TSHZ1: variants seen among roughly 807,000 people sequenced by gnomAD.
TSHZ1 encodes the protein teashirt zinc finger homeobox 1, also known as teashirt homolog 1.
TSHZ1 carries 12 observed loss-of-function variants against 67.1 expected under a neutral mutation model. The ratio of observed to expected loss-of-function variants is 0.18; its 90% CI spans 0.11 to 0.29. The LOEUF is 0.29. Among genes scored for constraint, TSHZ1 ranks in the 10% least tolerant of loss-of-function variants. The pLI is 1.00. For synonymous variants in TSHZ1, 632 were observed against 622.4 expected, an observed-to-expected ratio of 1.02 and a Z score of -0.23; for missense variants, 1,305 against 1,413.9, an observed-to-expected ratio of 0.92 and a Z score of 1.23.
chr18:75,284,047 C>T (rs1210695964), intron 1 of TSHZ1: 1 of 152,536 alleles, frequency 6.6e-6, no homozygotes, highest in East Asian at 1.9e-4. Flanking sequence ...CCCCAAATAC[C>T]CCAAGTTGTT....
At chr18:75,250,711 T>C (rs2404871) in intron 1 of TSHZ1, among the ~76,000 whole-genome samples, 119,825 of 152,240 alleles carry the variant, frequency 0.79, 47,292 homozygotes, top group South Asian at 0.87. Flanking sequence ...GCAGAGCTCG[T>C]GGGCCGGGCC....
rs1324950475 is a variant in TSHZ1, at chr18:75,211,809, G to A, written c.-68G>A. ...GCCGCGGAGTTGCGCCCGCGCCCGG[G>A]GCCCCGCGTCCCCGCGCCCCGCGAA... On this transcript the variant is annotated 5_prime_UTR_variant, in exon 1 of 2. Transcript: ENST00000580243. The A allele has an allele frequency of 2.9e-6, 3 of 1,032,866 alleles. No individual in the cohort carries two copies. The highest frequency in any genetic ancestry group is 3.5e-6 in the Non-Finnish European group (3 of 859,022). 64.0% of individuals were successfully genotyped at this position (1,032,866 alleles called of 1,614,324 possible). A position where few individuals can be genotyped will look rare whatever the true frequency, so the allele number is the denominator to read the frequency against.
chr18:75,223,590 T>C (rs1287672055), intron 1 of TSHZ1, among the ~76,000 whole-genome samples: 1 of 151,654 alleles, frequency 6.6e-6, no homozygotes, highest in Non-Finnish European at 1.5e-5. Flanking sequence ...ATACATATGG[T>C]TTTGTGGTTG....
chr18:75,235,715 A>C (rs541386944), intron 1 of TSHZ1, among the ~76,000 whole-genome samples: 3 of 152,238 alleles, frequency 2.0e-5, no homozygotes, highest in Admixed American at 6.5e-5. Flanking sequence ...GGATGTAAAA[A>C]TTTCATTGAG....
chr18:75,231,342 G>A lies in TSHZ1; in HGVS notation c.40+19426G>A, dbSNP rs1355480483. On this transcript the variant is annotated intron_variant, in intron 1 of 1. Coordinates refer to ENST00000580243, the MANE Select transcript of TSHZ1 (RefSeq NM_001308210.2). The stretch of plus-strand genomic sequence containing the variant: ...GATCCTGCCTGGGGCATGGTCCTTC[G>A]GAGGTCATTTCCACAGTTGCTTGGT... 3.9e-5 allele frequency among the ~76,000 whole-genome samples: 6 copies of A among 152,208 alleles called. No homozygotes were observed. The East Asian group carries it at 5.8e-4, about 15-fold the overall frequency.
chr18:75,245,994 A>G (rs937389849), intron 1 of TSHZ1, among the ~76,000 whole-genome samples: 2 of 152,208 alleles, frequency 1.3e-5, no homozygotes, highest in South Asian at 4.1e-4. Context: ...AATAAGTGCC[A>G]GGGGAGCGGG....
At chr18:75,220,127 A>G (rs1188295061) in intron 1 of TSHZ1, among the ~76,000 whole-genome samples, 1 of 152,208 alleles carries the variant, frequency 6.6e-6, no homozygotes, top group East Asian at 1.9e-4. Flanking sequence ...CGGAAGCATG[A>G]AAACCTAAAG....
chr18:75,221,756 T>G (rs1431556297), intron 1 of TSHZ1, among the ~76,000 whole-genome samples: 1 of 152,210 alleles, frequency 6.6e-6, no homozygotes, highest in African/African-American at 2.4e-5. Flanking sequence ...CAGTAAAACA[T>G]GTCTGTTTTC....
chr18:75,286,337 G>A lies in TSHZ1; in HGVS notation c.930G>A (p.Met310Ile). 1.2e-6 allele frequency: 2 copies of A among 1,614,118 alleles called. No homozygotes were observed. Among genetic ancestry groups the A allele is most frequent in the African/African-American group, 1.3e-5 (1 of 75,038 alleles). ...KEDAQKVLKC[M>I]YCGHSFESLQ... ...ATGCCCAGAAGGTGCTGAAGTGCAT[G>A]TACTGTGGACACTCCTTTGAGTCCT... The change falls in exon 2 of 2, where the codon ATG (methionine) becomes ATA (isoleucine). Residue 310 changes from methionine (M) to isoleucine (I), a missense_variant. Physicochemically the swap from Met to Ile is conservative, Grantham distance 10 (BLOSUM62 1). Around this residue, in one of 3 missense-constraint regions of TSHZ1, gnomAD observed 38 missense variants for 76.5 expected, o/e 0.50. Transcript: ENST00000580243. This position sits in a 1 kb window ranked among gnomAD's most constrained non-coding sequence, Gnocchi z 5.1.
At chr18:75,217,288 T>C (rs1031633861) in intron 1 of TSHZ1, among the ~76,000 whole-genome samples, 2 of 152,246 alleles carry the variant, frequency 1.3e-5, no homozygotes, top group African/African-American at 4.8e-5. Flanking sequence ...CTTGCGATAA[T>C]CATTTTCTTT....
rs1157888814 is a variant in TSHZ1, at chr18:75,288,646, C to T, written c.*5C>T. Reference sequence around the variant, plus strand: ...ACTGAGTTGGAGAAACAGTAGCGTCCAGGTATGCAAGAGACCGCGGAACAT... The same window carrying T: ...ACTGAGTTGGAGAAACAGTAGCGTCTAGGTATGCAAGAGACCGCGGAACAT... On this transcript the variant is annotated 3_prime_UTR_variant, in exon 2 of 2. Transcript: ENST00000580243. This position sits in a 1 kb window ranked among gnomAD's most constrained non-coding sequence, Gnocchi z 4.9. 8 of 1,580,954 alleles carry T rather than the reference C, an allele frequency of 5.1e-6. No individual in the cohort carries two copies. Among genetic ancestry groups the T allele is most frequent in the Non-Finnish European group, 6.9e-6 (8 of 1,164,034 alleles).
chr18:75,259,418 G>C (rs766479201), intron 1 of TSHZ1, among the ~76,000 whole-genome samples: 9 of 152,176 alleles, frequency 5.9e-5, no homozygotes, highest in Non-Finnish European at 1.3e-4. Context: ...GTGCCATTCT[G>C]AGTAGTGTGA....
At position 75,212,263 on chromosome 18, in the gene TSHZ1, G is replaced by A. The variant is rs537240882; in HGVS notation, c.40+347G>A. ...GTAGTTGCTCCTTGGCTGCCGGAGC[G>A]CACTGGAAAAGTCCTCCAAAGGCGG... On this transcript the variant is annotated intron_variant, in intron 1 of 1. Transcript: ENST00000580243. Among the ~76,000 whole-genome samples, 35 of 152,296 alleles carry A rather than the reference G, an allele frequency of 2.3e-4. No individual in the cohort carries two copies. In the South Asian group the frequency reaches 3.5e-3, roughly 15 times the overall value.
At chr18:75,218,995 C>T (rs904142864) in intron 1 of TSHZ1, among the ~76,000 whole-genome samples, 2 of 152,010 alleles carry the variant, frequency 1.3e-5, no homozygotes, top group African/African-American at 4.8e-5. Flanking sequence ...GATAATGGCA[C>T]AGAATATTAA....
chr18:75,212,433 A>T (rs900896278), intron 1 of TSHZ1, among the ~76,000 whole-genome samples: 1 of 151,366 alleles, frequency 6.6e-6, no homozygotes, highest in Non-Finnish European at 1.5e-5. Flanking sequence ...ACCTCTAAAG[A>T]TGTCTTTTGA....
At chr18:75,245,356 C>T (rs922131829) in intron 1 of TSHZ1, 1 of 152,194 alleles carries the variant, frequency 6.6e-6, no homozygotes, top group African/African-American at 2.4e-5. Flanking sequence ...AGGCATACCT[C>T]TTTTTAAAGT....
Position 75,287,229 on chromosome 18 carries a change from G to T in TSHZ1, c.1822G>T (p.Gly608Cys). The T allele has an allele frequency of 1.2e-6, 2 of 1,613,870 alleles. No individual in the cohort carries two copies. The highest frequency in any genetic ancestry group is 2.7e-5 in the African/African-American group (2 of 75,028). ...SVQVQPSYAG[G>C]VKSLSSAEHN... ...GCAGGTGCAGCCGTCCTATGCTGGC[G>T]GCGTGAAGTCGCTGTCTTCCGCCGA... The change falls in exon 2 of 2, where the codon GGC becomes TGC. Residue 608 changes from glycine (G) to cysteine (C), a missense_variant. Physicochemically the swap from Gly to Cys is radical, Grantham distance 159. Coordinates refer to ENST00000580243, the MANE Select transcript of TSHZ1 (RefSeq NM_001308210.2). This position sits in a 1 kb window ranked among gnomAD's most constrained non-coding sequence, Gnocchi z 5.0.
At chr18:75,238,691 A>ACAAAATCATGAATG (rs528038013) in intron 1 of TSHZ1, among the ~76,000 whole-genome samples, 1 of 152,196 alleles carries the variant, frequency 6.6e-6, no homozygotes, top group African/African-American at 2.4e-5. Flanking sequence ...AGAAAAAAGT[A>ACAAAATCATGAATG]CAAAATCATG....
At position 75,286,861 on chromosome 18, in the gene TSHZ1, A is replaced by G. The variant is rs1364338688; in HGVS notation, c.1454A>G (p.Lys485Arg). The change falls in exon 2 of 2, where the codon AAG becomes AGG. Residue 485 changes from lysine to arginine, a missense_variant. By Grantham distance (26) the Lys-to-Arg change is conservative (BLOSUM62 2). This residue lies in a region of TSHZ1 where 909 missense variants were observed against 961.8 expected (regional missense o/e 0.95). Coordinates refer to ENST00000580243, the MANE Select transcript of TSHZ1 (RefSeq NM_001308210.2). The surrounding 1 kb of genome is among the most constrained non-coding windows in gnomAD (Gnocchi z 5.1). ...HTRLPASSIK[K>R]QPDSPAGSTT... is the part of the protein sequence containing the mutation. ...CGGCTGCCGGCCTCCAGCATCAAAA[A>G]GCAGCCCGACTCTCCCGCGGGGTCC... is the stretch of plus-strand genomic sequence containing the variant. The G allele has an allele frequency of 6.2e-7, 1 of 1,614,156 alleles. No homozygotes were observed. The highest frequency in any genetic ancestry group is 8.5e-7 in the Non-Finnish European group (1 of 1,180,028).
Sources: gnomAD v4.1 joint callset for allele counts (sites outside exome capture counted in the v4.1 genomes callset) on GRCh38, gnomAD v4.1.1 for gene constraint, gnomAD v4.1.1 regional missense constraint, Gnocchi (gnomAD v3.1) non-coding constraint, MANE v1.5 for transcripts, NCBI Gene and HGNC (gene_info 2026-07-23, HGNC 2026-07-21) for gene names.